Variants in GIMAP6 observed in about 807,000 individuals in gnomAD.
GIMAP6 encodes the protein GTPase, IMAP family member 6.
Under a neutral mutation model 9.3 loss-of-function variants are expected in GIMAP6, and 6 were observed. The ratio of observed to expected loss-of-function variants is 0.65; its 90% confidence interval spans 0.35 to 1.27. The LOEUF (loss-of-function observed/expected upper bound fraction) is 1.27. Ranked by LOEUF, GIMAP6 falls within the 50% of genes most tolerant of loss-of-function variation. The pLI is 0.03. For synonymous variants in GIMAP6, 156 were observed against 151.1 expected, an observed-to-expected ratio of 1.03 and a Z score of -0.24; for missense variants, 333 against 359.5, an observed-to-expected ratio of 0.93 and a Z score of 0.60.
intron 2 of GIMAP6, 114 bp from the exon 3 acceptor site, chr7:150,628,626 G>A (rs1474583824): frequency 6.3e-7 from 1 of 1,592,356 alleles, no homozygotes; most frequent in Admixed American, 1.7e-5. Flanking sequence ...GATTGTAAAA[G>A]ACCAACATCT....
chr7:150,631,024 G>A (rs1433065696), intron 1 of GIMAP6, among the ~76,000 whole-genome samples: 3 of 152,052 alleles, frequency 2.0e-5, no homozygotes, highest in Non-Finnish European at 4.4e-5. Context: ...TTTCTCTGTG[G>A]GACTGAGGAG....
chr7:150,630,040 TCTC>T lies in GIMAP6; in HGVS notation c.85+15_85+17del. 4 of 1,540,866 alleles carry T rather than the reference TCTC, an allele frequency of 2.6e-6. No homozygotes were observed. The highest frequency in any genetic ancestry group is 3.6e-6 in the Non-Finnish European group (4 of 1,123,412). On this transcript the variant is annotated intron_variant, in intron 2 of 2. Transcript: ENST00000328902. ...CCCAAATGTTTCCCACTTGCTCCCC[TCTC>T]CTCATTCATTTTACCTCCTGACAGC...
chr7:150,628,647 C>T (rs750039497), intron 2 of GIMAP6, 135 bp from the exon 3 acceptor site: 1 of 1,587,160 alleles, frequency 6.3e-7, no homozygotes, highest in South Asian at 1.1e-5. Flanking sequence ...GCCCTGAAAC[C>T]AGCGCTGGGC....
At chr7:150,628,856 A>G (rs1407827765) in intron 2 of GIMAP6, 8 of 776,890 alleles carry the variant, frequency 1.0e-5, no homozygotes, top group Non-Finnish European at 1.4e-5. Flanking sequence ...CCCAGAGCAC[A>G]TAAAGAAGTG....
chr7:150,627,781 A>G lies in GIMAP6; in HGVS notation c.817T>C (p.Ser273Pro), dbSNP rs1233933062. The change falls in exon 3 of 3, where the codon TCC (serine) becomes CCC (proline). Residue 273 changes from serine to proline, a missense_variant. Transcript: ENST00000328902. ...PGEESWLEGL[S>P]QIQKESEEAH... ...TCCTCAGATTCCTTCTGGATCTGGG[A>G]CAGTCCTTCCAGCCAAGACTCCTCA... The G allele has an allele frequency of 6.2e-7, 1 of 1,614,166 alleles. No homozygotes were observed. The highest frequency in any genetic ancestry group is 1.7e-5 in the Admixed American group (1 of 60,024).
In GIMAP6 at chr7:150,630,146, CAAA is replaced by C. The variant is rs58764098; in HGVS notation, c.1-7_1-5del. The C allele has an allele frequency of 0.098, 89,298 of 915,830 alleles. 439 individuals are homozygous for C. The highest frequency in any genetic ancestry group is 0.17 in the African/African-American group (8,435 of 49,024). 56.7% of individuals were successfully genotyped at this position (915,830 alleles called of 1,614,324 possible). A position where few individuals can be genotyped will look rare whatever the true frequency, so the allele number is the denominator to read the frequency against. On this transcript the variant is annotated splice_polypyrimidine_tract_variant and splice_region_variant and intron_variant, in intron 1 of 2. Transcript: ENST00000328902. ...GTTCATATTCTTCTTCCTCCATCTA[CAAA>C]AAAAAAAAAAAAAAAAAAATCATAT... is the stretch of plus-strand genomic sequence containing the variant.
chr7:150,628,682 A>C (rs1796343418), intron 2 of GIMAP6, 170 bp from the exon 3 acceptor site: 1 of 1,556,830 alleles, frequency 6.4e-7, no homozygotes, highest in Non-Finnish European at 8.6e-7. Context: ...CACATCCTTG[A>C]AGGTGGGGCT....
intron 2 of GIMAP6, 79 bp downstream of exon 2, chr7:150,629,979 G>T: frequency 3.2e-6 from 3 of 946,608 alleles, no homozygotes; most frequent in Non-Finnish European, 4.9e-6. Flanking sequence ...TCCTCTCCAA[G>T]CACACTATGG....
intron 1 of GIMAP6, among the ~76,000 whole-genome samples, chr7:150,631,464 T>C (rs1796390460): frequency 6.6e-6 from 1 of 152,202 alleles, no homozygotes; most frequent in Non-Finnish European, 1.5e-5. Context: ...CTCAATCTCT[T>C]TGTCCCTGGC....
chr7:150,626,801 AGGC>A lies in GIMAP6; in HGVS notation c.*915_*917del, dbSNP rs1192725625. ...AAGGGAGGGGTGGCAGTGAAGGGCGAGGCAGGTTGAAAGTAGTCTGTGCCTTCT... is the reference window on the plus strand; with the variant it reads ...AAGGGAGGGGTGGCAGTGAAGGGCGAAGGTTGAAAGTAGTCTGTGCCTTCT... On this transcript the variant is annotated 3_prime_UTR_variant, in exon 3 of 3. Transcript: ENST00000328902. 3.3e-5 allele frequency: 5 copies of A among 152,210 alleles called. No individual in the cohort carries two copies. Among genetic ancestry groups the A allele is most frequent in the Non-Finnish European group, 5.9e-5 (4 of 68,058 alleles). The allele number at this position is 152,210 out of a possible 1,614,324, so 9.4% of individuals were successfully genotyped here. A position where few individuals can be genotyped will look rare whatever the true frequency, so the allele number is the denominator to read the frequency against.
At chr7:150,632,084 C>T (rs1290310589) in intron 1 of GIMAP6, 85 bp downstream of exon 1, 1 of 152,168 alleles carries the variant, frequency 6.6e-6, no homozygotes, top group Non-Finnish European at 1.5e-5. Flanking sequence ...CATGTTAACA[C>T]ATACAAACAT....
At chr7:150,628,691 CTGAACG>C in intron 2 of GIMAP6, 179 bp from the exon 3 acceptor site, 1 of 1,540,298 alleles carries the variant, frequency 6.5e-7, no homozygotes. Context: ...GAAGGTGGGG[CTGAACG>C]TTCTCTCCCA....
chr7:150,628,684 G>A (rs1796343516), intron 2 of GIMAP6, 172 bp from the exon 3 acceptor site: 8 of 1,554,516 alleles, frequency 5.1e-6, no homozygotes, highest in Non-Finnish European at 6.9e-6. Context: ...CATCCTTGAA[G>A]GTGGGGCTGA....
intron 1 of GIMAP6, among the ~76,000 whole-genome samples, chr7:150,631,296 T>TGGGCA (rs1796388368): frequency 6.6e-6 from 1 of 152,210 alleles, no homozygotes; most frequent in Non-Finnish European, 1.5e-5. Flanking sequence ...AGTGCTGGGC[T>TGGGCA]GGGCATGGAG....
chr7:150,631,975 CACAT>C (rs1585185132), intron 1 of GIMAP6, among the ~76,000 whole-genome samples, 190 bp downstream of exon 1: 1 of 151,896 alleles, frequency 6.6e-6, no homozygotes, highest in East Asian at 1.9e-4. Flanking sequence ...AACACACAAA[CACAT>C]ACACAAACAC....
rs140856543 is a variant in GIMAP6, at chr7:150,628,468, T to G, written c.130A>C (p.Ile44Leu). ...CCACTCCCTGTTTTCCCCATGAGAA[T>G]GAGCCTCAGTCTCCTTGGGGTCTTC... ...EQKTPRRLRL[I>L]LMGKTGSGKS... The change falls in exon 3 of 3, where the codon ATT becomes CTT. Residue 44 changes from isoleucine (I) to leucine (L), a missense_variant. Ile to Leu is a conservative substitution (Grantham distance 5, BLOSUM62 2). Transcript: ENST00000328902. The G allele has an allele frequency of 6.1e-5, 99 of 1,614,086 alleles. No individual in the cohort carries two copies. The highest frequency in any genetic ancestry group is 7.8e-5 in the Non-Finnish European group (92 of 1,180,026).
intron 2 of GIMAP6, 184 bp from the exon 3 acceptor site, chr7:150,628,696 C>A (rs561321166): frequency 1.3e-6 from 2 of 1,533,354 alleles, no homozygotes; most frequent in Non-Finnish European, 1.7e-6. Context: ...TGGGGCTGAA[C>A]GTTCTCTCCC....
rs961424393 is a variant in GIMAP6, at chr7:150,626,924, T to A, written c.*795A>T. Reference sequence around the variant, plus strand: ...CATCTCTAATCTAAGTCTACCTTGGTGGGGTGGTGTGACCTCCTCTGCCCA... The same window carrying A: ...CATCTCTAATCTAAGTCTACCTTGGAGGGGTGGTGTGACCTCCTCTGCCCA... On this transcript the variant is annotated 3_prime_UTR_variant, in exon 3 of 3. Transcript: ENST00000328902. 3 of 152,194 alleles carry A rather than the reference T, an allele frequency of 2.0e-5. No homozygotes were observed. Among genetic ancestry groups the A allele is most frequent in the African/African-American group, 4.8e-5 (2 of 41,442 alleles). 9.4% of individuals were successfully genotyped at this position (152,194 alleles called of 1,614,324 possible).
chr7:150,630,019 A>G (rs758259866), intron 2 of GIMAP6, 39 bp downstream of exon 2: 19 of 1,380,178 alleles, frequency 1.4e-5, no homozygotes, highest in African/African-American at 5.8e-5. Flanking sequence ...CTGCACCCCA[A>G]ATGTTTCCCA....
Sources: gnomAD v4.1 joint callset for allele counts (sites outside exome capture counted in the v4.1 genomes callset) on GRCh38, gnomAD v4.1.1 for gene constraint, MANE v1.5 for transcripts, NCBI Gene and HGNC (gene_info 2026-07-23, HGNC 2026-07-21) for gene names.